RTL9: variants seen among roughly 807,000 people sequenced by gnomAD.
RTL9 encodes retrotransposon Gag-like protein 9.
A neutral mutation model predicts 44.7 loss-of-function variants in RTL9; 19 were observed. That is an observed-to-expected ratio of 0.42 (90% CI 0.30 to 0.62). The LOEUF (loss-of-function observed/expected upper bound fraction) is 0.62, where lower values mean the gene tolerates loss of function less well. Among genes scored for constraint, RTL9 ranks in the 20% least tolerant of loss-of-function variants. The pLI, the probability that RTL9 is intolerant of heterozygous loss-of-function variation, is 0.16. For missense variants in RTL9, 1,105 were observed against 1,080.6 expected (o/e 1.02, Z -0.32); for synonymous variants, 407 against 398.9 (o/e 1.02, Z -0.24).
At chrX:110,432,915 G>T (rs1419974248) in intron 1 of RTL9, among the ~76,000 whole-genome samples, 1 of 112,752 alleles carries the variant, frequency 8.9e-6, no homozygotes, top group African/African-American at 3.2e-5. Context: ...GCATTTTATA[G>T]GTGAGGACCC....
chrX:110,409,684 C>A (rs771107958), intron 1 of RTL9, among the ~76,000 whole-genome samples: 2 of 108,432 alleles, frequency 1.8e-5, no homozygotes, highest in African/African-American at 6.8e-5. Context: ...ATCAATAATA[C>A]GTGTACTCCT....
intron 1 of RTL9, among the ~76,000 whole-genome samples, chrX:110,412,378 T>C (rs2068647165): frequency 8.9e-6 from 1 of 112,469 alleles, no homozygotes; most frequent in African/African-American, 3.2e-5. Flanking sequence ...GAAGGACTGG[T>C]TAAATCATTT....
chrX:110,434,221 G>T (rs113908164), intron 1 of RTL9, among the ~76,000 whole-genome samples: 1 of 111,874 alleles, frequency 8.9e-6, no homozygotes, highest in Non-Finnish European at 1.9e-5. Context: ...AGCAGGAGGG[G>T]AGTGGACGAG....
At chrX:110,440,075 C>T (rs951539797) in intron 1 of RTL9, 3 of 111,275 alleles carry the variant, frequency 2.7e-5, no homozygotes, top group Non-Finnish European at 5.7e-5. Context: ...CAGGATGTCT[C>T]TCATCCTGCC....
intron 1 of RTL9, among the ~76,000 whole-genome samples, chrX:110,435,945 G>A (rs1437113713): frequency 1.8e-5 from 2 of 112,404 alleles, no homozygotes; most frequent in Non-Finnish European, 3.8e-5. Context: ...CAGGCAAAGA[G>A]CAAATCACAG....
chrX:110,374,645 G>C (rs966163847), intron 1 of RTL9, among the ~76,000 whole-genome samples: 1 of 112,063 alleles, frequency 8.9e-6, no homozygotes, highest in Non-Finnish European at 1.9e-5. Flanking sequence ...CTGAGAGCTA[G>C]AGCTGTTAAA....
At chrX:110,408,712 C>G (rs755831886) in intron 1 of RTL9, among the ~76,000 whole-genome samples, 3 of 112,114 alleles carry the variant, frequency 2.7e-5, no homozygotes, top group Non-Finnish European at 5.6e-5. Context: ...TATAACATAT[C>G]AGTTTGTGTC....
intron 1 of RTL9, among the ~76,000 whole-genome samples, chrX:110,374,691 T>C (rs1485451369): frequency 8.9e-6 from 1 of 111,864 alleles, no homozygotes; most frequent in African/African-American, 3.3e-5. Context: ...TTAGGCTGCA[T>C]AGAATTTATT....
intron 1 of RTL9, among the ~76,000 whole-genome samples, chrX:110,383,370 A>C (rs1417606628): frequency 9.0e-6 from 1 of 111,552 alleles, no homozygotes; most frequent in African/African-American, 3.3e-5. Flanking sequence ...GGAGAGAGGA[A>C]AGGGGCCTTT....
chrX:110,428,359 G>A (rs1488273468), intron 1 of RTL9, among the ~76,000 whole-genome samples: 2 of 111,990 alleles, frequency 1.8e-5, no homozygotes, highest in Non-Finnish European at 3.8e-5. Context: ...TGAACTGTAA[G>A]TAACTTGAGG....
At chrX:110,447,150 G>A (rs1402255329), upstream of RTL9, among the ~76,000 whole-genome samples, 2 of 88,638 alleles carry the variant, frequency 2.3e-5, no homozygotes, top group African/African-American at 4.4e-5. Context: ...TGAAGGGAGA[G>A]GAGAGCGACT....
chrX:110,435,114 A>AAAGAAG (rs1338290029), intron 1 of RTL9, among the ~76,000 whole-genome samples: 1 of 34,141 alleles, frequency 2.9e-5, no homozygotes, highest in Non-Finnish European at 5.1e-5. Context: ...AGGGGGGAGG[A>AAAGAAG]GGAAGGAGGG....
intron 1 of RTL9, among the ~76,000 whole-genome samples, chrX:110,434,608 A>G (rs1477581540): frequency 8.9e-6 from 1 of 111,797 alleles, no homozygotes; most frequent in East Asian, 2.8e-4. Context: ...GATACTGTCA[A>G]CTGAGGCAGG....
At chrX:110,411,394 C>G (rs2068640832) in intron 1 of RTL9, among the ~76,000 whole-genome samples, 1 of 111,904 alleles carries the variant, frequency 8.9e-6, no homozygotes, top group Non-Finnish European at 1.9e-5. Context: ...GTGCCATTTA[C>G]TGTGACAACC....
At chrX:110,420,983 A>G (rs2068713351) in intron 1 of RTL9, among the ~76,000 whole-genome samples, 1 of 111,610 alleles carries the variant, frequency 9.0e-6, no homozygotes, top group Admixed American at 9.5e-5. Context: ...TCATTGTTTT[A>G]TTACACCAGC....
intron 1 of RTL9, among the ~76,000 whole-genome samples, chrX:110,409,824 G>A (rs772806436): frequency 9.0e-6 from 1 of 111,481 alleles, no homozygotes; most frequent in Non-Finnish European, 1.9e-5. Flanking sequence ...ACCTCACTTA[G>A]AGATATGGTA....
Position 110,433,756 on chromosome X carries a change from A to G in RTL9, c.-167-11397A>G, listed in dbSNP as rs141307473. ...ACTAGCCTTTCTTCTTATCATGATC[A>G]TCTTCATTGTCATTATCGGCATATT... On this transcript the variant is annotated intron_variant, in intron 1 of 3. Transcript: ENST00000465301. Among the ~76,000 whole-genome samples the G allele has an allele frequency of 2.2e-4, 25 of 112,258 alleles. No individual in the cohort carries two copies. In the East Asian group the frequency reaches 3.4e-3, roughly 15 times the overall value.
At chrX:110,428,596 A>T (rs1720550256) in intron 1 of RTL9, among the ~76,000 whole-genome samples, 1 of 110,846 alleles carries the variant, frequency 9.0e-6, no homozygotes, top group Admixed American at 9.6e-5. Context: ...TGCCATCTGA[A>T]CACTCCCCCC....
At chrX:110,394,215 A>G (rs977314868) in intron 1 of RTL9, among the ~76,000 whole-genome samples, 5 of 112,555 alleles carry the variant, frequency 4.4e-5, no homozygotes, top group Non-Finnish European at 3.8e-5. Context: ...ATTAATGTTT[A>G]ATATTAGAAG....
Sources: gnomAD v4.1 joint callset for allele counts (sites outside exome capture counted in the v4.1 genomes callset) on GRCh38, gnomAD v4.1.1 for gene constraint, MANE v1.5 for transcripts, NCBI Gene and HGNC (gene_info 2026-07-23, HGNC 2026-07-21) for gene names.